Variants in TAFA5 observed in about 807,000 individuals in gnomAD.
TAFA5 encodes the protein chemokine-like protein TAFA-5.
TAFA5 carries 6 observed loss-of-function variants against 15.3 expected under a neutral mutation model. That is an observed-to-expected ratio of 0.39 (90% CI 0.21 to 0.77). The LOEUF (loss-of-function observed/expected upper bound fraction) is 0.77, where lower values mean the gene tolerates loss of function less well. Ranked by LOEUF, TAFA5 falls within the 30% of genes least tolerant of loss-of-function variation. The probability of loss-of-function intolerance (pLI) is 0.41; values close to 1 mark genes in which losing one functional copy is unlikely to be tolerated. For missense variants in TAFA5, 161 were observed against 193.1 expected (o/e 0.83, Z 0.98); for synonymous variants, 103 against 80.7 (o/e 1.28, Z -1.48).
chr22:48,514,122 C>T (rs1042535859), intron 1 of TAFA5, among the ~76,000 whole-genome samples: 1 of 152,246 alleles, frequency 6.6e-6, no homozygotes, highest in African/African-American at 2.4e-5. Flanking sequence ...GTGTCAGGGC[C>T]CTTGGCTGCA....
chr22:48,690,913 C>T (rs550223385), intron 2 of TAFA5, among the ~76,000 whole-genome samples: 6 of 151,928 alleles, frequency 3.9e-5, no homozygotes, highest in African/African-American at 1.2e-4. Context: ...GGAGGGAGGA[C>T]GCCTCGCCTC....
chr22:48,628,150 T>C (rs1310671322), intron 1 of TAFA5, among the ~76,000 whole-genome samples: 1 of 152,150 alleles, frequency 6.6e-6, no homozygotes, highest in Non-Finnish European at 1.5e-5. Context: ...GAGGTGGACT[T>C]GGGAGGTGAC....
At chr22:48,549,370 A>G (rs1412378955) in intron 1 of TAFA5, among the ~76,000 whole-genome samples, 1 of 152,278 alleles carries the variant, frequency 6.6e-6, no homozygotes, top group Non-Finnish European at 1.5e-5. Flanking sequence ...ATTCGCCACC[A>G]GGCAGCTGGT....
intron 1 of TAFA5, among the ~76,000 whole-genome samples, chr22:48,596,401 G>A (rs1394869509): frequency 1.3e-5 from 2 of 152,176 alleles, no homozygotes; most frequent in Non-Finnish European, 2.9e-5. Context: ...ACTGATTAAC[G>A]CTCCTCAGCG....
chr22:48,744,581 G>C (rs1280285292), intron 3 of TAFA5, among the ~76,000 whole-genome samples: 3 of 152,060 alleles, frequency 2.0e-5, no homozygotes, highest in Middle Eastern at 3.2e-3. Context: ...CAGGGCACTC[G>C]GCAAAGTCGC....
chr22:48,624,295 G>T (rs573625658), intron 1 of TAFA5, among the ~76,000 whole-genome samples: 1 of 152,148 alleles, frequency 6.6e-6, no homozygotes, highest in Non-Finnish European at 1.5e-5. Flanking sequence ...CACATACTTG[G>T]CCTTGAGCAC....
At chr22:48,557,914 G>T (rs377326916) in intron 1 of TAFA5, among the ~76,000 whole-genome samples, 1 of 152,210 alleles carries the variant, frequency 6.6e-6, no homozygotes, top group African/African-American at 2.4e-5. Context: ...GGACACAACC[G>T]GAGGATGTGT....
chr22:48,623,220 C>T (rs908836444), intron 1 of TAFA5, among the ~76,000 whole-genome samples: 2 of 151,992 alleles, frequency 1.3e-5, no homozygotes, highest in East Asian at 1.9e-4. Context: ...TGGCCCTGCG[C>T]GGTGACCTGT....
intron 1 of TAFA5, chr22:48,545,589 G>C (rs1041810856): frequency 3.3e-5 from 5 of 153,114 alleles, no homozygotes; most frequent in African/African-American, 1.2e-4. Context: ...TGGAGGCTCT[G>C]GGGCTGCCGC....
At chr22:48,576,345 C>T (rs1213391321) in intron 1 of TAFA5, 2 of 1,210,408 alleles carry the variant, frequency 1.7e-6, no homozygotes, top group Admixed American at 4.4e-5. Flanking sequence ...CCTCCAGTCG[C>T]GGCGGAGCGC....
intron 2 of TAFA5, among the ~76,000 whole-genome samples, chr22:48,674,085 G>A (rs1020307918): frequency 4.0e-5 from 6 of 151,268 alleles, no homozygotes; most frequent in Admixed American, 2.0e-4. Context: ...ACTCCTCTTC[G>A]CCCATCTCAC....
intron 3 of TAFA5, among the ~76,000 whole-genome samples, chr22:48,741,216 G>A (rs570783446): frequency 1.3e-5 from 2 of 152,162 alleles, no homozygotes; most frequent in East Asian, 1.9e-4. Context: ...CCTGCCCCCC[G>A]TTCCCACACT....
chr22:48,644,918 ACT>A (rs1192685788), intron 1 of TAFA5, among the ~76,000 whole-genome samples: 1 of 151,926 alleles, frequency 6.6e-6, no homozygotes, highest in African/African-American at 2.4e-5. Context: ...CAGCCCGCAG[ACT>A]CTCTGCTGAT....
intron 1 of TAFA5, among the ~76,000 whole-genome samples, chr22:48,601,148 A>G (rs993206527): frequency 6.6e-6 from 1 of 152,168 alleles, no homozygotes; most frequent in Admixed American, 6.5e-5. Flanking sequence ...TAATTTACAC[A>G]CTTTGTCATA....
chr22:48,499,862 G>C (rs1314660962), intron 1 of TAFA5, among the ~76,000 whole-genome samples: 1 of 152,136 alleles, frequency 6.6e-6, no homozygotes. Context: ...GTGTGCTTCT[G>C]TTATGTGGTG....
At chr22:48,726,280 T>C (rs911137021) in intron 3 of TAFA5, among the ~76,000 whole-genome samples, 1 of 152,270 alleles carries the variant, frequency 6.6e-6, no homozygotes, top group African/African-American at 2.4e-5. Context: ...GAACCCTTAC[T>C]GTCTTCAGTG....
chr22:48,671,345 T>G (rs1175971081), intron 2 of TAFA5, among the ~76,000 whole-genome samples: 2 of 152,328 alleles, frequency 1.3e-5, no homozygotes, highest in East Asian at 3.9e-4. Context: ...TTCACCTGTC[T>G]TTCTCTGCTC....
At chr22:48,667,775 TGTAATCCCCCAGCACTCAGGACC>T (rs1927669754) in intron 2 of TAFA5, among the ~76,000 whole-genome samples, 1 of 21,574 alleles carries the variant, frequency 4.6e-5, no homozygotes, top group Non-Finnish European at 7.5e-5. Flanking sequence ...CACTGGGAGC[TGTAATCCCCCAGCACTCAGGACC>T]GCGTCTTCAC....
Position 48,489,651 on chromosome 22 carries a change from C to A in TAFA5, c.59C>A (p.Ser20Tyr). 1 of 1,531,988 alleles carries A rather than the reference C, an allele frequency of 6.5e-7. No homozygotes were observed. Among genetic ancestry groups the A allele is most frequent in the Non-Finnish European group, 8.8e-7 (1 of 1,140,006 alleles). The allele number at this position is 1,531,988 out of a possible 1,614,324, so 94.9% of individuals were successfully genotyped here. ...RQDATALPSM[S>Y]STFWAFMILA... ...GATGCGACCGCCCTGCCCAGCATGT[C>A]CTCAACTTTCTGGGCGTTCATGATC... The change falls in exon 1 of 4, where the codon TCC (serine) becomes TAC (tyrosine). Residue 20 changes from serine (S) to tyrosine (Y), a missense_variant. Coordinates refer to ENST00000402357, the MANE Select transcript of TAFA5 (RefSeq NM_001082967.3). The surrounding 1 kb of genome is among the most constrained non-coding windows in gnomAD (Gnocchi z 5.5).
Sources: gnomAD v4.1 joint callset for allele counts (sites outside exome capture counted in the v4.1 genomes callset) on GRCh38, gnomAD v4.1.1 for gene constraint, Gnocchi (gnomAD v3.1) non-coding constraint, MANE v1.5 for transcripts, NCBI Gene and HGNC (gene_info 2026-07-23, HGNC 2026-07-21) for gene names.